Variants in SRI observed in about 807,000 individuals in gnomAD.
The protein encoded by SRI is 22 kDa protein.
Under a neutral mutation model 33.3 loss-of-function variants are expected in SRI, and 30 were observed. The observed-to-expected ratio is 0.90, with a 90% CI of 0.67 to 1.22. SRI has a LOEUF of 1.22. Among genes scored for constraint, SRI ranks in the 50% most tolerant of loss-of-function variants. The pLI, the probability that SRI is intolerant of heterozygous loss-of-function variation, is 0.00. For missense variants in SRI, 243 were observed against 250.8 expected (o/e 0.97, Z 0.21); for synonymous variants, 75 against 89.9 (o/e 0.83, Z 0.94).
rs1028269010 is a variant in SRI, at chr7:88,208,559, A to G, written c.518T>C (p.Phe173Ser). The change falls in exon 7 of 8, where the codon TTT (phenylalanine) becomes TCT (serine). Residue 173 changes from phenylalanine (F) to serine (S), a missense_variant. Transcript: ENST00000265729. The stretch of plus-strand genomic sequence containing the variant: ...TTGCTGAGCAGTATCCCGTCTTCGA[A>G]AGCTGTCTGTAAAACAACACAGTAA... ...CVKLRALTDS[F>S]RRRDTAQQGV... 4 of 1,613,742 alleles carry G rather than the reference A, an allele frequency of 2.5e-6. No individual in the cohort carries two copies. In the African/African-American group the frequency reaches 5.3e-5, roughly 22 times the overall value.
chr7:88,206,384 A>C lies in SRI; in HGVS notation c.*94T>G. On this transcript the variant is annotated 3_prime_UTR_variant, in exon 8 of 8. Coordinates refer to ENST00000265729, the MANE Select transcript of SRI (RefSeq NM_003130.4). The stretch of plus-strand genomic sequence containing the variant: ...CAACAGCTGTTAAGAGAAAGTCGTG[A>C]TGTAAGTTTATACATATTACCGAAG... The C allele has an allele frequency of 1.4e-6, 2 of 1,392,162 alleles. No individual in the cohort carries two copies. Among genetic ancestry groups the C allele is most frequent in the Non-Finnish European group, 2.0e-6 (2 of 977,918 alleles). The allele number at this position is 1,392,162 out of a possible 1,614,324, so 86.2% of individuals were successfully genotyped here. A position where few individuals can be genotyped will look rare whatever the true frequency, so the allele number is the denominator to read the frequency against.
chr7:88,214,915 C>T lies in SRI; in HGVS notation c.205+2207G>A, dbSNP rs544440801. 2.0e-4 allele frequency: 174 copies of T among 858,698 alleles called. 1 individual carries two copies. In the African/African-American group the frequency reaches 2.7e-3, roughly 13 times the overall value. 53.2% of individuals were successfully genotyped at this position (858,698 alleles called of 1,614,324 possible). A position where few individuals can be genotyped will look rare whatever the true frequency, so the allele number is the denominator to read the frequency against. On this transcript the variant is annotated intron_variant, in intron 3 of 7. Transcript: ENST00000265729. ...AAGCCCTACCTCCAGCTGTTTCTCTCAACCTTATCACAGACGAACAACTAA... is the reference window on the plus strand; with the variant it reads ...AAGCCCTACCTCCAGCTGTTTCTCTTAACCTTATCACAGACGAACAACTAA...
At chr7:88,209,031 T>C (rs1477829488) in intron 6 of SRI, 2 of 271,024 alleles carry the variant, frequency 7.4e-6, no homozygotes, top group Non-Finnish European at 1.4e-5. Flanking sequence ...TCTTTCCAAA[T>C]ATTTCACATT....
upstream of SRI, among the ~76,000 whole-genome samples, chr7:88,220,841 G>C (rs959415676): frequency 3.9e-5 from 6 of 152,166 alleles, no homozygotes; most frequent in Non-Finnish European, 5.9e-5. Flanking sequence ...GAAAAGTTTA[G>C]AACAAACTAA....
chr7:88,212,832 G>C (rs1851611520), intron 3 of SRI, among the ~76,000 whole-genome samples: 1 of 152,194 alleles, frequency 6.6e-6, no homozygotes, highest in Non-Finnish European at 1.5e-5. Context: ...AGAAACTCTA[G>C]GGCATGACCC....
At chr7:88,223,149 C>A (rs111301335), upstream of SRI, among the ~76,000 whole-genome samples, 460 of 152,282 alleles carry the variant, frequency 3.0e-3, 2 homozygotes, top group African/African-American at 0.011. Context: ...TCAATTCTTA[C>A]AATTATTGCT....
intron 7 of SRI, chr7:88,207,926 T>G (rs1482028468): frequency 6.6e-6 from 1 of 151,488 alleles, no homozygotes; most frequent in East Asian, 1.9e-4. Context: ...ACGTGGAGGT[T>G]GCAGTGAGCT....
At position 88,206,409 on chromosome 7, in the gene SRI, G is replaced by A. The variant is rs1463958475; in HGVS notation, c.*69C>T. ...ATGTAAGTTTATACATATTACCGAA[G>A]GCAAAGAGGACAAGCAAAGGAGAGC... On this transcript the variant is annotated 3_prime_UTR_variant, in exon 8 of 8. Transcript: ENST00000265729. 1 of 1,576,066 alleles carries A rather than the reference G, an allele frequency of 6.3e-7. No individual in the cohort carries two copies. The highest frequency in any genetic ancestry group is 1.3e-5 in the African/African-American group (1 of 74,212).
At chr7:88,222,553 A>C (rs555736025), upstream of SRI, among the ~76,000 whole-genome samples, 4 of 151,892 alleles carry the variant, frequency 2.6e-5, no homozygotes, top group African/African-American at 9.7e-5. Context: ...TTTTCTTGTA[A>C]ATTTGTTTGA....
upstream of SRI, among the ~76,000 whole-genome samples, chr7:88,221,391 G>C (rs1416770320): frequency 6.6e-6 from 1 of 152,180 alleles, no homozygotes; most frequent in Non-Finnish European, 1.5e-5. Flanking sequence ...TCAGGAAGCA[G>C]GTTACTGTTT....
chr7:88,214,389 G>A (rs1851656511), intron 3 of SRI, among the ~76,000 whole-genome samples: 1 of 152,188 alleles, frequency 6.6e-6, no homozygotes, highest in South Asian at 2.1e-4. Flanking sequence ...TGTTAGTAAA[G>A]ACTGAGGAGG....
intron 3 of SRI, among the ~76,000 whole-genome samples, chr7:88,215,605 G>A (rs141607356): frequency 9.3e-4 from 141 of 152,324 alleles, no homozygotes; most frequent in African/African-American, 3.3e-3. Context: ...AACTTGAAAG[G>A]TTCTTCGTTT....
rs1395732800 is a variant in SRI, at chr7:88,218,909, C to T, written c.85G>A (p.Gly29Arg). ...CCATACAGCGGATCCTGAGTTTGTCCGGGAAACGCAGGCCCTCCGGGAGCC... is the reference window on the plus strand; with the variant it reads ...CCATACAGCGGATCCTGAGTTTGTCTGGGAAACGCAGGCCCTCCGGGAGCC... ...GGAPGGPAFP[G>R]QTQDPLYGYF... The change falls in exon 2 of 8, where the codon GGA becomes AGA. Residue 29 changes from glycine to arginine, a missense_variant. Gly to Arg is a moderately radical substitution (Grantham distance 125). Coordinates refer to ENST00000265729, the MANE Select transcript of SRI (RefSeq NM_003130.4). The T allele has an allele frequency of 6.2e-6, 10 of 1,613,888 alleles. No homozygotes were observed. The African/African-American group carries it at 6.7e-5, about 11-fold the overall frequency.
rs1230804756 is a variant in SRI at position 88,206,282 on chromosome 7, G to A, written c.*196C>T. 3.0e-6 allele frequency: 2 copies of A among 660,208 alleles called. No homozygotes were observed. The highest frequency in any genetic ancestry group is 5.4e-6 in the Non-Finnish European group (2 of 373,362). The allele number at this position is 660,208 out of a possible 1,614,324, so 40.9% of individuals were successfully genotyped here. A position where few individuals can be genotyped will look rare whatever the true frequency, so the allele number is the denominator to read the frequency against. ...AAGTTCTAAATGGTGTAACAGACTA[G>A]ATCTTATTAAAGTTCCAAAGAATTT... On this transcript the variant is annotated 3_prime_UTR_variant, in exon 8 of 8. Coordinates refer to ENST00000265729, the MANE Select transcript of SRI (RefSeq NM_003130.4).
At chr7:88,220,357 C>CT (rs60686940), upstream of SRI, among the ~76,000 whole-genome samples, 47 of 147,398 alleles carry the variant, frequency 3.2e-4, 1 homozygote, top group East Asian at 4.5e-3. Context: ...CCCAGGAATT[C>CT]TTTTTTTTTT....
At chr7:88,226,972 A>G (rs1236181769) in exon 1 of SRI, 11 of 1,610,964 alleles carry the variant, frequency 6.8e-6, no homozygotes, top group Non-Finnish European at 9.3e-6. Context: ...GCCTTCTTGC[A>G]GAGTGGCCAA....
At chr7:88,209,295 CTG>C in intron 6 of SRI, 42 bp downstream of exon 6, 6 of 1,480,462 alleles carry the variant, frequency 4.1e-6, no homozygotes, top group Admixed American at 1.7e-5. Context: ...GTAATAAAAA[CTG>C]TGTCTTGGCT....
upstream of SRI, chr7:88,220,110 C>A (rs890370986): frequency 2.8e-6 from 4 of 1,423,292 alleles, no homozygotes; most frequent in Non-Finnish European, 3.6e-6. Flanking sequence ...CGCTAGGGGG[C>A]CGCCCCAGAG....
rs200528752 is a variant in SRI, at chr7:88,209,445, C to A, written c.405G>T (p.Arg135Ser). The change falls in exon 6 of 8, where the codon AGG becomes AGT. Residue 135 changes from arginine (R) to serine (S), a missense_variant. Arg to Ser is a moderately radical substitution (Grantham distance 110). Coordinates refer to ENST00000265729, the MANE Select transcript of SRI (RefSeq NM_003130.4). ...LQKALTTMGF[R>S]LSPQAVNSIA... ...TTGAATTCACAGCCTGGGGACTCAA[C>A]CTAAATCCTAAAAGAAAAGCCATCC... 11 of 1,613,358 alleles carry A rather than the reference C, an allele frequency of 6.8e-6. No homozygotes were observed. The highest frequency in any genetic ancestry group is 3.3e-4 in the Middle Eastern group (2 of 6,056).
Sources: allele counts gnomAD v4.1 joint callset (sites outside exome capture counted in the v4.1 genomes callset), GRCh38; gene constraint gnomAD v4.1.1; transcripts MANE v1.5; gene names NCBI Gene and HGNC (gene_info 2026-07-23, HGNC 2026-07-21).